Variants in TRAP1 observed in about 807,000 individuals in gnomAD.
The protein encoded by TRAP1 is TNF receptor associated protein 1, also known as heat shock protein 75 kDa, mitochondrial.
A neutral mutation model predicts 89.1 loss-of-function variants in TRAP1; 102 were observed. That is an observed-to-expected ratio of 1.15 (90% CI 0.98 to 1.35). The LOEUF (loss-of-function observed/expected upper bound fraction) is 1.35, where lower values mean the gene tolerates loss of function less well. Ranked by LOEUF, TRAP1 falls within the 40% of genes most tolerant of loss-of-function variation. The pLI, the probability that TRAP1 is intolerant of heterozygous loss-of-function variation, is 0.00. For missense variants in TRAP1, 1,256 were observed against 945.3 expected, an observed-to-expected ratio of 1.33 and a Z score of -4.31; for synonymous variants, 508 against 388.0, an observed-to-expected ratio of 1.31 and a Z score of -3.64.
chr16:3,704,331 G>A (rs984560833), intron 1 of TRAP1: 4 of 152,170 alleles, frequency 2.6e-5, no homozygotes, highest in African/African-American at 4.8e-5. Flanking sequence ...GCGACAGCAC[G>A]ACTCTGTCTC....
intron 6 of TRAP1, chr16:3,676,728 A>T (rs1285697605): frequency 1.3e-5 from 2 of 152,312 alleles, no homozygotes; most frequent in Admixed American, 6.5e-5. Flanking sequence ...CGGAGGGAGG[A>T]CGCCTCGGCT....
rs572806248 is a variant in TRAP1 at position 3,694,148 on chromosome 16, G to A, written c.89-3163C>T. Reference sequence around the variant, plus strand: ...ATGCTTTGCAGACCCTCCAGGCTCTGTCTCTTGTCACATGGCAAGCTCTTC... The same window carrying A: ...ATGCTTTGCAGACCCTCCAGGCTCTATCTCTTGTCACATGGCAAGCTCTTC... On this transcript the variant is annotated intron_variant, in intron 1 of 17. Transcript: ENST00000246957. Among the ~76,000 whole-genome samples, 7 of 152,170 alleles carry A rather than the reference G, an allele frequency of 4.6e-5. No homozygotes were observed. The South Asian group carries it at 1.5e-3, about 32-fold the overall frequency.
intron 2 of TRAP1, chr16:3,689,602 C>T (rs572806861): frequency 2.9e-4 from 45 of 153,588 alleles, no homozygotes; most frequent in Non-Finnish European, 5.5e-4. Context: ...TTTGGGAGGC[C>T]AAGGCAGGAG....
At chr16:3,676,364 CGGGCGGG>C (rs774590500) in intron 6 of TRAP1, 12 of 192,698 alleles carry the variant, frequency 6.2e-5, no homozygotes, top group East Asian at 4.7e-4. Flanking sequence ...CTGGTTCCCT[CGGGCGGG>C]GGGCGGGGGG....
Position 3,690,885 on chromosome 16 carries a change from G to A in TRAP1, c.189C>T (p.Thr63=), listed in dbSNP as rs376485209. The change falls in exon 2 of 18, where the codon ACC becomes ACT. Residue 63 remains threonine (T), a synonymous_variant. Coordinates refer to ENST00000246957, the MANE Select transcript of TRAP1 (RefSeq NM_016292.3). ...LQAGRLFSTQ[T]AEDKEEPLHS... ...GCAGGGGTTCCTCCTTGTCCTCGGC[G>A]GTCTGCGTGCTGAACAGTCGTCCTG... The A allele has an allele frequency of 6.3e-6, 10 of 1,586,820 alleles. No homozygotes were observed. The highest frequency in any genetic ancestry group is 2.3e-5 in the South Asian group (2 of 87,552).
At chr16:3,715,240 C>T (rs770892474) in intron 1 of TRAP1, among the ~76,000 whole-genome samples, 2 of 152,172 alleles carry the variant, frequency 1.3e-5, no homozygotes, top group African/African-American at 4.8e-5. Flanking sequence ...AGATCGAGAC[C>T]ATCCTGGCTA....
At chr16:3,682,008 G>T (rs146221070) in intron 4 of TRAP1, among the ~76,000 whole-genome samples, 1 of 152,224 alleles carries the variant, frequency 6.6e-6, no homozygotes, top group East Asian at 1.9e-4. Flanking sequence ...TTTAAGGATC[G>T]ACACATGGAT....
chr16:3,703,957 G>C (rs1049606753), intron 1 of TRAP1, among the ~76,000 whole-genome samples: 1 of 151,818 alleles, frequency 6.6e-6, no homozygotes, highest in African/African-American at 2.4e-5. Flanking sequence ...GGAGCGTGCA[G>C]TGAGCCGAGA....
chr16:3,717,341 C>A (rs973363233), intron 1 of TRAP1, 80 bp downstream of exon 1: 2 of 542,222 alleles, frequency 3.7e-6, no homozygotes, highest in African/African-American at 2.0e-5. Context: ...GCCGGCGCCT[C>A]GCTCCCCGGA....
intron 11 of TRAP1, among the ~76,000 whole-genome samples, chr16:3,666,572 AC>A (rs1385233923): frequency 6.7e-6 from 1 of 149,678 alleles, no homozygotes; most frequent in South Asian, 2.1e-4. Flanking sequence ...AAAAAAAAAA[AC>A]TGCATCTTTT....
intron 2 of TRAP1, 71 bp downstream of exon 2, chr16:3,690,756 C>G: frequency 7.6e-7 from 1 of 1,322,912 alleles, no homozygotes; most frequent in Non-Finnish European, 9.8e-7. Context: ...TGCCTCCACC[C>G]TGAAAATGCC....
chr16:3,678,922 T>C (rs2051037068), intron 5 of TRAP1, among the ~76,000 whole-genome samples: 1 of 152,230 alleles, frequency 6.6e-6, no homozygotes, highest in South Asian at 2.1e-4. Flanking sequence ...CCTTGTGGGC[T>C]TGACGCAGAG....
At chr16:3,687,863 C>A (rs991785891) in intron 3 of TRAP1, among the ~76,000 whole-genome samples, 244 of 112,242 alleles carry the variant, frequency 2.2e-3, no homozygotes, top group African/African-American at 3.1e-3. Context: ...ATTAAAAAAC[C>A]AAAAAAAAAA....
Position 3,675,309 on chromosome 16 carries a change from G to A in TRAP1, c.888+15C>T, listed in dbSNP as rs1008453348. The A allele has an allele frequency of 2.5e-6, 4 of 1,613,012 alleles. No homozygotes were observed. Among genetic ancestry groups the A allele is most frequent in the South Asian group, 1.1e-5 (1 of 91,034 alleles). On this transcript the variant is annotated intron_variant, in intron 8 of 17. Transcript: ENST00000246957. ...CTCCATGTTTGACCAGTCCCTAGAG[G>A]AACTCAGGGCTCACCTGCAAGGTGT...
At chr16:3,694,618 G>A (rs894500021) in intron 1 of TRAP1, among the ~76,000 whole-genome samples, 22 of 152,136 alleles carry the variant, frequency 1.4e-4, no homozygotes, top group Non-Finnish European at 2.9e-4. Flanking sequence ...GATTACAGAC[G>A]TGAGCCACCA....
rs558631874 is a variant in TRAP1, at chr16:3,689,108, C to T, written c.277G>A (p.Glu93Lys). 8 of 1,613,796 alleles carry T rather than the reference C, an allele frequency of 5.0e-6. No homozygotes were observed. Among genetic ancestry groups the T allele is most frequent in the African/African-American group, 2.7e-5 (2 of 74,890 alleles). ...ACAATGTCCAAAAGCTTCTTTGTCT[C>T]GGCCTGGAACTCATGTTTGGAAGTG... ...GSTSKHEFQA[E>K]TKKLLDIVAR... Residue 93 changes from glutamate to lysine, a missense_variant, in exon 3 of 18, where the codon GAG becomes AAG. Physicochemically the swap from Glu to Lys is moderately conservative, Grantham distance 56. Coordinates refer to ENST00000246957, the MANE Select transcript of TRAP1 (RefSeq NM_016292.3).
chr16:3,702,398 T>A (rs1216116656), intron 1 of TRAP1, among the ~76,000 whole-genome samples: 2 of 151,720 alleles, frequency 1.3e-5, no homozygotes, highest in East Asian at 3.9e-4. Flanking sequence ...TTCACAGACC[T>A]GGGAAGAAGT....
chr16:3,702,205 G>A (rs578086154), intron 1 of TRAP1, among the ~76,000 whole-genome samples: 6 of 150,676 alleles, frequency 4.0e-5, no homozygotes, highest in South Asian at 4.1e-4. Flanking sequence ...AAGCTGGTAT[G>A]GACACATCGG....
Position 3,667,792 on chromosome 16 carries a change from C to G in TRAP1, c.1236-1674G>C, listed in dbSNP as rs1439436943. On this transcript the variant is annotated intron_variant, in intron 11 of 17. Coordinates refer to ENST00000246957, the MANE Select transcript of TRAP1 (RefSeq NM_016292.3). Reference sequence around the variant, plus strand: ...TTTTTTCCATCCGACGAATCTTGCTCTTGTCCCCCAGGCTGGAGTGCAGTG... The same window carrying G: ...TTTTTTCCATCCGACGAATCTTGCTGTTGTCCCCCAGGCTGGAGTGCAGTG... Among the ~76,000 whole-genome samples the G allele has an allele frequency of 2.1e-5, 3 of 144,234 alleles. No individual in the cohort carries two copies. In the Admixed American group the frequency reaches 2.1e-4, roughly 10 times the overall value. The allele number at this position is 144,234 out of a possible 152,430, so 94.6% of individuals were successfully genotyped here. A position where few individuals can be genotyped will look rare whatever the true frequency, so the allele number is the denominator to read the frequency against.
Sources: allele counts gnomAD v4.1 joint callset (sites outside exome capture counted in the v4.1 genomes callset), GRCh38; gene constraint gnomAD v4.1.1; transcripts MANE v1.5; gene names NCBI Gene and HGNC (gene_info 2026-07-23, HGNC 2026-07-21).